The following PI15 variants were observed in gnomAD, a reference collection of about 807,000 sequenced individuals.
PI15 encodes 25 kDa trypsin inhibitor.
In PI15, 18 loss-of-function variants were observed where a neutral mutation model predicts 31.0. That is an observed-to-expected ratio of 0.58 (90% CI 0.40 to 0.86). The LOEUF is 0.86. PI15 is among the 40% of genes least tolerant of loss of function. The pLI, the probability that PI15 is intolerant of heterozygous loss-of-function variation, is 0.00. For synonymous variants in PI15, 118 were observed against 119.1 expected, an observed-to-expected ratio of 0.99 and a Z score of 0.06; for missense variants, 282 against 328.1, an observed-to-expected ratio of 0.86 and a Z score of 1.09.
chr8:74,828,384 G>A (rs1231595198), intron 2 of PI15, among the ~76,000 whole-genome samples: 1 of 151,946 alleles, frequency 6.6e-6, no homozygotes, highest in East Asian at 1.9e-4. Flanking sequence ...TCATAAGTTA[G>A]AAGGACTCTT....
At chr8:74,841,373 G>A (rs1195178303) in intron 2 of PI15, among the ~76,000 whole-genome samples, 1 of 152,142 alleles carries the variant, frequency 6.6e-6, no homozygotes, top group African/African-American at 2.4e-5. Flanking sequence ...AGGGACCCTG[G>A]AGATGCCCTC....
chr8:74,848,732 T>TATATAGAGAGAGAGAGAG (rs1191072583), intron 5 of PI15, among the ~76,000 whole-genome samples: 10 of 136,352 alleles, frequency 7.3e-5, no homozygotes, highest in African/African-American at 2.8e-4. Context: ...TATATATATA[T>TATATAGAGAGAGAGAGAG]AGAGAGAGAG....
intron 2 of PI15, among the ~76,000 whole-genome samples, chr8:74,838,314 G>A (rs1390396768): frequency 6.6e-6 from 1 of 151,894 alleles, no homozygotes; most frequent in Non-Finnish European, 1.5e-5. Context: ...GGACTAACAT[G>A]TTACTGTAAT....
chr8:74,826,095 A>G (rs1362098147), intron 2 of PI15, among the ~76,000 whole-genome samples: 1 of 152,104 alleles, frequency 6.6e-6, no homozygotes, highest in Non-Finnish European at 1.5e-5. Context: ...CTGTCCAGAT[A>G]ACAGTGAAGC....
intron 2 of PI15, chr8:74,826,379 C>T: frequency 2.0e-6 from 1 of 498,868 alleles, no homozygotes; most frequent in Non-Finnish European, 2.6e-6. Flanking sequence ...GGGGGTACCA[C>T]TAACAGTTTT....
chr8:74,829,122 T>C (rs1301475907), intron 2 of PI15, among the ~76,000 whole-genome samples: 1 of 152,132 alleles, frequency 6.6e-6, no homozygotes, highest in African/African-American at 2.4e-5. Flanking sequence ...TTCTTGTGTA[T>C]AGAAAGTGAT....
chr8:74,847,869 T>C (rs1163863347), intron 5 of PI15, among the ~76,000 whole-genome samples: 1 of 152,144 alleles, frequency 6.6e-6, no homozygotes, highest in Non-Finnish European at 1.5e-5. Flanking sequence ...CCTATTGTTG[T>C]CTTATCTTCA....
At chr8:74,835,073 A>C (rs1344906542) in intron 2 of PI15, among the ~76,000 whole-genome samples, 1 of 152,132 alleles carries the variant, frequency 6.6e-6, no homozygotes, top group African/African-American at 2.4e-5. Flanking sequence ...ATGATGTTTC[A>C]AATTATATTT....
chr8:74,833,915 A>G (rs1222796180), intron 2 of PI15, among the ~76,000 whole-genome samples: 2 of 152,204 alleles, frequency 1.3e-5, no homozygotes, highest in Non-Finnish European at 2.9e-5. Flanking sequence ...TGTGCAGCAG[A>G]TGAGTGAGCA....
intron 2 of PI15, among the ~76,000 whole-genome samples, chr8:74,827,266 A>T (rs1481030602): frequency 7.8e-6 from 1 of 128,316 alleles, no homozygotes; most frequent in Non-Finnish European, 1.7e-5. Context: ...TAACAATACT[A>T]ACCAATCAAA....
chr8:74,841,769 G>C (rs542708966), intron 2 of PI15, among the ~76,000 whole-genome samples: 1 of 152,110 alleles, frequency 6.6e-6, no homozygotes, highest in East Asian at 1.9e-4. Context: ...TTAATATTTG[G>C]TCAGAAGAAA....
At chr8:74,845,632 C>T in intron 5 of PI15, 135 bp downstream of exon 5, 1 of 611,834 alleles carries the variant, frequency 1.6e-6, no homozygotes, top group Non-Finnish European at 3.0e-6. Flanking sequence ...CACCATCCTT[C>T]CAATATTTCT....
chr8:74,827,523 T>C (rs961121266), intron 2 of PI15, among the ~76,000 whole-genome samples: 1 of 152,192 alleles, frequency 6.6e-6, no homozygotes. Context: ...AGGTTAACAT[T>C]GTGATCTTCA....
At chr8:74,846,203 A>AT (rs1374688555) in intron 5 of PI15, among the ~76,000 whole-genome samples, 1 of 152,206 alleles carries the variant, frequency 6.6e-6, no homozygotes, top group Non-Finnish European at 1.5e-5. Context: ...TCAAACAAAG[A>AT]TTTTCTCCAG....
chr8:74,841,285 C>T (rs79324596), intron 2 of PI15, among the ~76,000 whole-genome samples: 2 of 152,208 alleles, frequency 1.3e-5, no homozygotes, highest in East Asian at 3.9e-4. Flanking sequence ...AAGTCCCAGG[C>T]CAATAGAACA....
At chr8:74,838,821 AT>A (rs1192359076) in intron 2 of PI15, among the ~76,000 whole-genome samples, 1 of 152,178 alleles carries the variant, frequency 6.6e-6, no homozygotes, top group Non-Finnish European at 1.5e-5. Context: ...GTTGCCTTCC[AT>A]TTCTTATGGC....
At chr8:74,824,890 A>T (rs1563562886) in intron 1 of PI15, 2 of 206,426 alleles carry the variant, frequency 9.7e-6, no homozygotes, top group Non-Finnish European at 2.0e-5. Context: ...AATTGCTGAA[A>T]ATTTCCCACT....
rs1811158909 is a variant in PI15 at position 74,854,875 on chromosome 8, T to G, written c.*5622T>G. 1 of 152,190 alleles carries G rather than the reference T, an allele frequency of 6.6e-6. No individual in the cohort carries two copies. 9.4% of individuals were successfully genotyped at this position (152,190 alleles called of 1,614,324 possible). On this transcript the variant is annotated 3_prime_UTR_variant, in exon 6 of 6. Coordinates refer to ENST00000260113, the MANE Select transcript of PI15 (RefSeq NM_015886.5). ...AGAAGTTTTATTCATTACCTAATTC[T>G]GTGGCAAAAATGGTGCCTCTGATGT...
At chr8:74,828,326 G>T (rs573170990) in intron 2 of PI15, among the ~76,000 whole-genome samples, 1 of 152,100 alleles carries the variant, frequency 6.6e-6, no homozygotes, top group African/African-American at 2.4e-5. Context: ...CTGGAGGTGG[G>T]AGAATATCCA....
Sources: allele counts gnomAD v4.1 joint callset (sites outside exome capture counted in the v4.1 genomes callset), GRCh38; gene constraint gnomAD v4.1.1; transcripts MANE v1.5; gene names NCBI Gene and HGNC (gene_info 2026-07-23, HGNC 2026-07-21).